Variants in CACNB2 observed in about 807,000 individuals in gnomAD.
CACNB2 encodes calcium voltage-gated channel auxiliary subunit beta 2, also known as voltage-dependent L-type calcium channel subunit beta-2.
In CACNB2, 42 loss-of-function variants were observed where a neutral mutation model predicts 73.3. The ratio of observed to expected loss-of-function variants is 0.57; its 90% CI spans 0.45 to 0.74. CACNB2 has a LOEUF of 0.74. Among genes scored for constraint, CACNB2 ranks in the 30% least tolerant of loss-of-function variants. CACNB2 has a pLI of 0.00. For missense variants in CACNB2, 940 were observed against 853.0 expected (o/e 1.10, Z -1.27); for synonymous variants, 348 against 310.3 (o/e 1.12, Z -1.28).
intron 2 of CACNB2, among the ~76,000 whole-genome samples, chr10:18,268,406 A>T (rs2037904490): frequency 6.6e-6 from 1 of 152,260 alleles, no homozygotes; most frequent in South Asian, 2.1e-4. Context: ...AATAAATGGT[A>T]TACCACCTAT....
intron 2 of CACNB2, among the ~76,000 whole-genome samples, chr10:18,172,832 A>G (rs1355476442): frequency 6.6e-6 from 1 of 150,460 alleles, no homozygotes; most frequent in African/African-American, 2.5e-5. Context: ...ATTCTTATCC[A>G]CGCTCCTGAA....
At chr10:18,425,505 A>G (rs1018943797) in intron 3 of CACNB2, among the ~76,000 whole-genome samples, 1 of 98,410 alleles carries the variant, frequency 1.0e-5, no homozygotes, top group Non-Finnish European at 2.1e-5. Context: ...CGTTACTACA[A>G]ATAATTGAAA....
At chr10:18,164,677 T>A (rs935879771) in intron 2 of CACNB2, among the ~76,000 whole-genome samples, 7 of 152,018 alleles carry the variant, frequency 4.6e-5, no homozygotes, top group African/African-American at 1.7e-4. Context: ...AGATTACACG[T>A]AGCCTGATTT....
chr10:18,515,181 C>T (rs1484806910), intron 7 of CACNB2: 5 of 722,740 alleles, frequency 6.9e-6, no homozygotes, highest in Admixed American at 2.0e-5. Context: ...ATCCAAGATG[C>T]TACACAGCGA....
At chr10:18,214,092 A>G (rs1467004486) in intron 2 of CACNB2, among the ~76,000 whole-genome samples, 3 of 152,094 alleles carry the variant, frequency 2.0e-5, no homozygotes, top group African/African-American at 7.2e-5. Flanking sequence ...TTACCCCTAC[A>G]CAACTGGAGG....
intron 2 of CACNB2, among the ~76,000 whole-genome samples, chr10:18,177,264 T>A (rs1479679660): frequency 1.2e-4 from 18 of 152,010 alleles, no homozygotes; most frequent in Non-Finnish European, 5.9e-5. Context: ...AACAAACACG[T>A]GCCTCAGTAG....
At chr10:18,234,191 G>C (rs1292166626) in intron 2 of CACNB2, 1 of 152,356 alleles carries the variant, frequency 6.6e-6, no homozygotes, top group African/African-American at 2.4e-5. Context: ...GAACATGGCT[G>C]GGGTCTTCGT....
chr10:18,210,215 C>T (rs970721340), intron 2 of CACNB2, among the ~76,000 whole-genome samples: 4 of 152,102 alleles, frequency 2.6e-5, no homozygotes, highest in Admixed American at 2.0e-4. Flanking sequence ...AAAATACATT[C>T]GTGGTGGTGG....
chr10:18,425,313 A>G (rs568501466), intron 3 of CACNB2, among the ~76,000 whole-genome samples: 5 of 152,256 alleles, frequency 3.3e-5, no homozygotes, highest in African/African-American at 7.2e-5. Context: ...CTTAATACCA[A>G]TCAAGTCCGA....
intron 2 of CACNB2, among the ~76,000 whole-genome samples, chr10:18,244,828 C>G (rs2036798816): frequency 6.6e-6 from 1 of 152,298 alleles, no homozygotes; most frequent in South Asian, 2.1e-4. Flanking sequence ...AGATCTTGAG[C>G]TAGGAAGATT....
intron 2 of CACNB2, among the ~76,000 whole-genome samples, chr10:18,198,132 T>G (rs182849934): frequency 2.9e-4 from 43 of 148,322 alleles, no homozygotes; most frequent in African/African-American, 8.8e-4. Context: ...ATGTAATATA[T>G]TAATATATAT....
At chr10:18,364,622 C>G (rs1293076806) in intron 2 of CACNB2, among the ~76,000 whole-genome samples, 1 of 152,034 alleles carries the variant, frequency 6.6e-6, no homozygotes, top group Non-Finnish European at 1.5e-5. Flanking sequence ...TTTTTTTCTT[C>G]TGGTCTTGTC....
chr10:18,469,823 T>C (rs1363386681), intron 3 of CACNB2, among the ~76,000 whole-genome samples: 3 of 152,200 alleles, frequency 2.0e-5, no homozygotes, highest in African/African-American at 7.2e-5. Flanking sequence ...TAATGGTTGA[T>C]ACAGTTTCTC....
chr10:18,223,989 C>CTCTTT (rs1183227801), intron 2 of CACNB2, among the ~76,000 whole-genome samples: 2 of 42,280 alleles, frequency 4.7e-5, no homozygotes, highest in African/African-American at 5.3e-4. Context: ...ACTAAGGGGT[C>CTCTTT]TATTTTTTTT....
chr10:18,350,535 G>A (rs541501697), intron 2 of CACNB2, among the ~76,000 whole-genome samples: 1 of 152,140 alleles, frequency 6.6e-6, no homozygotes, highest in East Asian at 1.9e-4. Context: ...TAGAGCAGCC[G>A]ACGTTCCCTC....
At chr10:18,448,015 AG>A (rs2046821251) in intron 3 of CACNB2, among the ~76,000 whole-genome samples, 1 of 152,140 alleles carries the variant, frequency 6.6e-6, no homozygotes, top group Non-Finnish European at 1.5e-5. Flanking sequence ...TAATAGAGAT[AG>A]GGTCTTGCTC....
At chr10:18,394,743 C>A (rs1319289734) in intron 2 of CACNB2, among the ~76,000 whole-genome samples, 5 of 152,112 alleles carry the variant, frequency 3.3e-5, no homozygotes, top group African/African-American at 4.8e-5. Flanking sequence ...ACAGTGTAAG[C>A]ATTTATGAAA....
At position 18,518,956 on chromosome 10, in the gene CACNB2, G is replaced by T; in HGVS notation, c.932G>T (p.Arg311Ile). 1.9e-6 allele frequency: 3 copies of T among 1,613,832 alleles called. No individual in the cohort carries two copies. Among genetic ancestry groups the T allele is most frequent in the Non-Finnish European group, 2.5e-6 (3 of 1,179,778 alleles). ...QKALFDFLKH[R>I]FEGRISITRV... ...GCGCTGTTTGATTTTTTAAAACACA[G>T]ATTTGAAGGGCGGTGAGTATTTCAG... is the stretch of plus-strand genomic sequence containing the variant. The change falls in exon 9 of 14, where the codon AGA (arginine) becomes ATA (isoleucine). Residue 311 changes from arginine (R) to isoleucine (I), a missense_variant. Arg to Ile is a moderately conservative substitution (Grantham distance 97). Coordinates refer to ENST00000324631, the MANE Select transcript of CACNB2 (RefSeq NM_201596.3).
In CACNB2 at chr10:18,261,325, T is replaced by G. The variant is rs149836040; in HGVS notation, c.213+110350T>G. On this transcript the variant is annotated intron_variant, in intron 2 of 13. Transcript: ENST00000324631. ...CGAGTACGGGTGTCCTATGTAAGTT[T>G]CTATTGCTGTAGAATTGCAGCTGGG... 8.8e-4 allele frequency: 1,362 copies of G among 1,551,598 alleles called. 17 individuals are homozygous for G. In the African/African-American group the frequency reaches 0.017, roughly 20 times the overall value.
Sources: gnomAD v4.1 joint callset for allele counts (sites outside exome capture counted in the v4.1 genomes callset) on GRCh38, gnomAD v4.1.1 for gene constraint, MANE v1.5 for transcripts, NCBI Gene and HGNC (gene_info 2026-07-23, HGNC 2026-07-21) for gene names.